Variants in KIF26B observed in about 807,000 individuals in gnomAD.
KIF26B encodes the protein kinesin-like protein KIF26B.
KIF26B carries 63 observed loss-of-function variants against 151.2 expected under a neutral mutation model. The ratio of observed to expected loss-of-function variants is 0.42; its 90% confidence interval spans 0.34 to 0.51. The LOEUF is 0.51. KIF26B is among the 20% of genes least tolerant of loss of function. The pLI is 0.07. For missense variants in KIF26B, 2,813 were observed against 2,913.6 expected (o/e 0.97, Z 0.79); for synonymous variants, 1,357 against 1,262.1 (o/e 1.08, Z -1.59).
At chr1:245,343,083 C>G (rs1252487758) in intron 2 of KIF26B, among the ~76,000 whole-genome samples, 1 of 23,628 alleles carries the variant, frequency 4.2e-5, no homozygotes, top group Non-Finnish European at 8.5e-5. Context: ...GAGACTCCAT[C>G]TCAAAAAAAA....
chr1:245,381,434 C>T (rs969830879), intron 3 of KIF26B, among the ~76,000 whole-genome samples: 4 of 152,316 alleles, frequency 2.6e-5, no homozygotes, highest in Middle Eastern at 3.4e-3. Context: ...TGGCTTTGAA[C>T]GCAGCCCAAC....
At chr1:245,291,876 G>T (rs546670577) in intron 2 of KIF26B, among the ~76,000 whole-genome samples, 22 of 152,238 alleles carry the variant, frequency 1.4e-4, no homozygotes, top group Admixed American at 2.6e-4. Flanking sequence ...AAGGGCCCTG[G>T]TGCAGGAAAC....
rs2044847686 is a variant in KIF26B, at chr1:245,706,884, T to C, written c.*4278T>C. 1 of 152,206 alleles carries C rather than the reference T, an allele frequency of 6.6e-6. No homozygotes were observed. The highest frequency in any genetic ancestry group is 1.5e-5 in the Non-Finnish European group (1 of 68,038). 9.4% of individuals were successfully genotyped at this position (152,206 alleles called of 1,614,324 possible). A position where few individuals can be genotyped will look rare whatever the true frequency, so the allele number is the denominator to read the frequency against. On this transcript the variant is annotated 3_prime_UTR_variant, in exon 15 of 15. Coordinates refer to ENST00000407071, the MANE Select transcript of KIF26B (RefSeq NM_018012.4). ...GTTCAGTGTCACTGATGCAAGTAAA[T>C]GGGTCTCAAATTTTGGTGGGGGCAG... is the stretch of plus-strand genomic sequence containing the variant.
At position 245,702,598 on chromosome 1, in the gene KIF26B, C is replaced by A. The variant is rs201648182; in HGVS notation, c.6319C>A (p.Arg2107Ser). ...MITCFDITSR[R>S]R The stretch of plus-strand genomic sequence containing the variant: ...CACCTGCTTCGACATCACCTCCAGG[C>A]GCCGGTAGATGAGCCAGACCCTTGT... The change falls in exon 15 of 15, where the codon CGC becomes AGC. Residue 2107 changes from arginine (R) to serine (S), a missense_variant. By Grantham distance (110) the Arg-to-Ser change is moderately radical. Coordinates refer to ENST00000407071, the MANE Select transcript of KIF26B (RefSeq NM_018012.4). This position sits in a 1 kb window ranked among gnomAD's most constrained non-coding sequence, Gnocchi z 4.1. 6.2e-7 allele frequency: 1 copy of A among 1,613,618 alleles called. No individual in the cohort carries two copies.
rs1172397969 is a variant in KIF26B at position 245,374,059 on chromosome 1, CAAAAAA to C, written c.999+6723_999+6728del. Among the ~76,000 whole-genome samples the C allele has an allele frequency of 5.1e-3, 89 of 17,440 alleles. 4 individuals are homozygous for C. Among genetic ancestry groups the C allele is most frequent in the South Asian group, 8.1e-3 (2 of 248 alleles). The allele number at this position is 17,440 out of a possible 152,430, so 11.4% of individuals were successfully genotyped here. A position where few individuals can be genotyped will look rare whatever the true frequency, so the allele number is the denominator to read the frequency against. The stretch of plus-strand genomic sequence containing the variant: ...GTGACAGAGACCCGAGAACCTATCT[CAAAAAA>C]AAAAAAAAAAAAAAAAAAAAAAAAA... On this transcript the variant is annotated intron_variant, in intron 3 of 14. Coordinates refer to ENST00000407071, the MANE Select transcript of KIF26B (RefSeq NM_018012.4).
chr1:245,408,349 C>CTTT (rs58724712), intron 3 of KIF26B, among the ~76,000 whole-genome samples: 83 of 113,306 alleles, frequency 7.3e-4, no homozygotes, highest in Non-Finnish European at 9.5e-4. Context: ...TTAAATGATT[C>CTTT]TTTTTTTTTT....
chr1:245,614,456 A>G (rs1012608946), intron 9 of KIF26B, among the ~76,000 whole-genome samples: 12 of 152,212 alleles, frequency 7.9e-5, no homozygotes, highest in Admixed American at 3.9e-4. Context: ...TACAGGCGTG[A>G]GCCACCGCAC....
chr1:245,526,894 T>G (rs974083956), intron 4 of KIF26B, among the ~76,000 whole-genome samples: 2 of 152,228 alleles, frequency 1.3e-5, no homozygotes, highest in Admixed American at 6.5e-5. Context: ...TAAAGCTCTA[T>G]TTCTTTCAAA....
intron 2 of KIF26B, among the ~76,000 whole-genome samples, chr1:245,291,358 G>A (rs574110811): frequency 6.6e-6 from 1 of 152,288 alleles, no homozygotes; most frequent in African/African-American, 2.4e-5. Flanking sequence ...ACTACTTTGA[G>A]TCCAACAAGT....
rs747255308 is a variant in KIF26B, at chr1:245,688,009, C to T, written c.5026C>T (p.His1676Tyr). The change falls in exon 12 of 15, where the codon CAC (histidine) becomes TAC (tyrosine). Residue 1676 changes from histidine to tyrosine, a missense_variant. Coordinates refer to ENST00000407071, the MANE Select transcript of KIF26B (RefSeq NM_018012.4). ...CTCGCTGGGCAGGGCGACAGTCAGCCACTACGAATGCCTCTCCCTGGAGCG... is the reference window on the plus strand; with the variant it reads ...CTCGCTGGGCAGGGCGACAGTCAGCTACTACGAATGCCTCTCCCTGGAGCG... ...SNSLGRATVS[H>Y]YECLSLERAE... is the part of the protein sequence containing the mutation. 1.6e-5 allele frequency: 25 copies of T among 1,564,000 alleles called. No homozygotes were observed. Among genetic ancestry groups the T allele is most frequent in the Non-Finnish European group, 1.9e-5 (22 of 1,155,674 alleles).
chr1:245,369,749 T>C (rs916258265), intron 3 of KIF26B, among the ~76,000 whole-genome samples: 3 of 152,236 alleles, frequency 2.0e-5, no homozygotes, highest in Non-Finnish European at 4.4e-5. Context: ...TACCCCAAAG[T>C]AAGCTGCCGA....
chr1:245,680,350 C>T (rs2044417545), intron 10 of KIF26B, among the ~76,000 whole-genome samples: 2 of 152,198 alleles, frequency 1.3e-5, no homozygotes, highest in Admixed American at 1.3e-4. Context: ...TACCGGTTTG[C>T]TTTCCACAAG....
intron 4 of KIF26B, among the ~76,000 whole-genome samples, chr1:245,535,255 T>C (rs890922514): frequency 3.3e-5 from 5 of 152,174 alleles, no homozygotes; most frequent in African/African-American, 9.7e-5. Context: ...TAAAAAAAGA[T>C]CAAACAGCTG....
chr1:245,377,832 A>C (rs552437789), intron 3 of KIF26B, among the ~76,000 whole-genome samples: 3 of 152,292 alleles, frequency 2.0e-5, no homozygotes, highest in African/African-American at 7.2e-5. Flanking sequence ...ACAAGTGGAA[A>C]AGATGAAAAC....
At chr1:245,653,568 GAC>G (rs1284496076) in intron 10 of KIF26B, among the ~76,000 whole-genome samples, 6 of 152,262 alleles carry the variant, frequency 3.9e-5, no homozygotes, top group Non-Finnish European at 7.4e-5. Flanking sequence ...GGGAAACTGA[GAC>G]ACAGAAAGGT....
intron 9 of KIF26B, among the ~76,000 whole-genome samples, chr1:245,613,981 C>T (rs2043556507): frequency 6.6e-6 from 1 of 152,160 alleles, no homozygotes. Flanking sequence ...CCCTGGCAAC[C>T]ACGGATCTGA....
intron 5 of KIF26B, among the ~76,000 whole-genome samples, chr1:245,562,337 G>A (rs924002535): frequency 2.0e-5 from 3 of 152,046 alleles, no homozygotes; most frequent in African/African-American, 2.4e-5. Flanking sequence ...GCAATTTTAC[G>A]TTATACTTTC....
At chr1:245,203,287 T>C (rs922418862) in intron 2 of KIF26B, among the ~76,000 whole-genome samples, 1 of 149,476 alleles carries the variant, frequency 6.7e-6, no homozygotes, top group Admixed American at 6.7e-5. Context: ...ACAAGGAAGC[T>C]GATTTTGGCA....
At chr1:245,521,292 G>C (rs5006105) in intron 4 of KIF26B, among the ~76,000 whole-genome samples, 45 of 100,804 alleles carry the variant, frequency 4.5e-4, no homozygotes, top group South Asian at 1.1e-3. Context: ...AGCCGAGATC[G>C]CACCACTGCA....
Sources: gnomAD v4.1 joint callset for allele counts (sites outside exome capture counted in the v4.1 genomes callset) on GRCh38, gnomAD v4.1.1 for gene constraint, Gnocchi (gnomAD v3.1) non-coding constraint, MANE v1.5 for transcripts, NCBI Gene and HGNC (gene_info 2026-07-23, HGNC 2026-07-21) for gene names.